The following SEMA3D variants were observed in gnomAD, a reference collection of about 807,000 sequenced individuals.
SEMA3D encodes the protein semaphorin 3D, also known as semaphorin-3D.
Under a neutral mutation model 100.1 loss-of-function variants are expected in SEMA3D, and 84 were observed. The ratio of observed to expected loss-of-function variants is 0.84; its 90% confidence interval spans 0.70 to 1.01. The LOEUF (loss-of-function observed/expected upper bound fraction) is 1.01, where lower values mean the gene tolerates loss of function less well. Ranked by LOEUF, SEMA3D falls within the 50% of genes least tolerant of loss-of-function variation. The pLI, the probability that SEMA3D is intolerant of heterozygous loss-of-function variation, is 0.00. For synonymous variants in SEMA3D, 312 were observed against 320.7 expected, an observed-to-expected ratio of 0.97 and a Z score of 0.29; for missense variants, 875 against 934.1, an observed-to-expected ratio of 0.94 and a Z score of 0.82.
rs749668447 is a variant in SEMA3D at position 84,999,580 on chromosome 7, C to T, written c.2194G>A (p.Glu732Lys). The part of the protein sequence containing the change: ...SPNFSLDQYC[E>K]QMWHREKRRQ... ...CGCTTCTCCCTGTGCCACATCTGTT[C>T]GCAGTACTGGTCGAGGCTGAAGTTT... The change falls in exon 19 of 19, where the codon GAA (glutamate) becomes AAA (lysine). Residue 732 changes from glutamate (E) to lysine (K), a missense_variant. Glu to Lys is a moderately conservative substitution (Grantham distance 56). Coordinates refer to ENST00000284136, the MANE Select transcript of SEMA3D (RefSeq NM_001384900.1). The T allele has an allele frequency of 1.7e-5, 28 of 1,614,106 alleles. No individual in the cohort carries two copies. Among genetic ancestry groups the T allele is most frequent in the African/African-American group, 4.0e-5 (3 of 75,022 alleles).
chr7:85,115,316 A>T (rs185942209), intron 3 of SEMA3D, among the ~76,000 whole-genome samples: 1 of 152,284 alleles, frequency 6.6e-6, no homozygotes, highest in East Asian at 1.9e-4. Flanking sequence ...CGGTATCCTC[A>T]TACATAAGAA....
At chr7:85,108,855 T>G (rs567579749) in intron 3 of SEMA3D, among the ~76,000 whole-genome samples, 2 of 152,110 alleles carry the variant, frequency 1.3e-5, no homozygotes, top group South Asian at 4.1e-4. Flanking sequence ...CTGTTTAGTT[T>G]AAACCAATGA....
At chr7:85,160,999 G>A (rs2116517140) in intron 1 of SEMA3D, among the ~76,000 whole-genome samples, 1 of 152,280 alleles carries the variant, frequency 6.6e-6, no homozygotes, top group African/African-American at 2.4e-5. Context: ...ACGTATGGAG[G>A]AGGGGAATGG....
chr7:85,068,035 C>T (rs1791673630), intron 7 of SEMA3D, among the ~76,000 whole-genome samples, 156 bp downstream of exon 7: 1 of 152,096 alleles, frequency 6.6e-6, no homozygotes. Flanking sequence ...GAAGGATGCT[C>T]AGTACAGACA....
rs1028461798 is a variant in SEMA3D, at chr7:84,997,241, C to G, written c.*2199G>C. 7.2e-5 allele frequency: 11 copies of G among 151,958 alleles called. No individual in the cohort carries two copies. Among genetic ancestry groups the G allele is most frequent in the Non-Finnish European group, 8.8e-5 (6 of 67,918 alleles). 9.4% of individuals were successfully genotyped at this position (151,958 alleles called of 1,614,324 possible). ...TCATAAGTCAATCCTAACACTTGAGCTTCATGTAAATTTTCCAAAGTCATT... is the reference window on the plus strand; with the variant it reads ...TCATAAGTCAATCCTAACACTTGAGGTTCATGTAAATTTTCCAAAGTCATT... On this transcript the variant is annotated 3_prime_UTR_variant, in exon 19 of 19. Transcript: ENST00000284136.
At chr7:85,041,205 C>T (rs531407281) in intron 10 of SEMA3D, 1 of 152,270 alleles carries the variant, frequency 6.6e-6, no homozygotes, top group East Asian at 1.9e-4. Flanking sequence ...TTACAGGTGC[C>T]CACCACCAGC....
intron 1 of SEMA3D, among the ~76,000 whole-genome samples, chr7:85,180,955 T>C (rs1042133618): frequency 6.6e-6 from 1 of 152,222 alleles, no homozygotes; most frequent in Admixed American, 6.5e-5. Flanking sequence ...GATCAGGTAT[T>C]TTGTAGAATG....
intron 2 of SEMA3D, among the ~76,000 whole-genome samples, chr7:85,128,041 T>TA (rs1385945382): frequency 5.3e-5 from 8 of 151,946 alleles, no homozygotes; most frequent in Admixed American, 2.6e-4. Context: ...CTTTTTTTTT[T>TA]ATGAAGAGAC....
chr7:85,109,100 C>G (rs1789015254), intron 3 of SEMA3D, among the ~76,000 whole-genome samples: 1 of 151,788 alleles, frequency 6.6e-6, no homozygotes, highest in African/African-American at 2.4e-5. Flanking sequence ...TAATTAAAAA[C>G]ATGTATGGTC....
chr7:85,031,327 AAAGC>A (rs1790542887), intron 12 of SEMA3D, among the ~76,000 whole-genome samples: 2 of 152,068 alleles, frequency 1.3e-5, no homozygotes, highest in Non-Finnish European at 2.9e-5. Context: ...AACCTACGTT[AAAGC>A]TTTAACTTAA....
chr7:85,181,101 A>G (rs1254254831), intron 1 of SEMA3D, among the ~76,000 whole-genome samples: 1 of 152,194 alleles, frequency 6.6e-6, no homozygotes, highest in Non-Finnish European at 1.5e-5. Context: ...ATGATTTACA[A>G]CCCACTGTTG....
At chr7:85,028,127 G>A in intron 12 of SEMA3D, 1 of 640,214 alleles carries the variant, frequency 1.6e-6, no homozygotes, top group Admixed American at 1.9e-5. Flanking sequence ...ATGCTGGCAG[G>A]CCCAAGGTCC....
At chr7:85,125,783 CGTGTGT>C (rs79570607) in intron 2 of SEMA3D, among the ~76,000 whole-genome samples, 4 of 113,800 alleles carry the variant, frequency 3.5e-5, no homozygotes, top group South Asian at 5.1e-4. Flanking sequence ...TTGCTGTCTT[CGTGTGT>C]GTGTGTGTGT....
chr7:85,206,841 G>A, the SEMA3D span, among the ~76,000 whole-genome samples: 16 of 152,124 alleles, frequency 1.1e-4, no homozygotes, highest in Admixed American at 5.2e-4. Context: ...AAAACATGCT[G>A]TTTTTCAAAT....
intron 1 of SEMA3D, among the ~76,000 whole-genome samples, chr7:85,183,900 A>G (rs1309012998): frequency 6.6e-6 from 1 of 152,250 alleles, no homozygotes; most frequent in East Asian, 1.9e-4. Context: ...CATGAGGACA[A>G]TAAGTAGACT....
At chr7:85,235,863 G>A in the SEMA3D span, among the ~76,000 whole-genome samples, 71 of 152,292 alleles carry the variant, frequency 4.7e-4, 1 homozygote, top group South Asian at 0.015. Context: ...GGTTGGAGTT[G>A]AAGGGAATAG....
chr7:85,144,157 C>T (rs1790134329), intron 2 of SEMA3D, among the ~76,000 whole-genome samples: 2 of 151,998 alleles, frequency 1.3e-5, no homozygotes, highest in Admixed American at 1.3e-4. Flanking sequence ...CATTTTCATG[C>T]TAAGTCTTCA....
intron 4 of SEMA3D, among the ~76,000 whole-genome samples, chr7:85,090,523 A>G (rs1361180711): frequency 7.2e-5 from 11 of 152,172 alleles, no homozygotes. Context: ...CTATTTTCTT[A>G]ATTTCAAGTA....
the SEMA3D span, among the ~76,000 whole-genome samples, chr7:85,197,544 G>A: frequency 1.4e-5 from 2 of 145,576 alleles, no homozygotes; most frequent in African/African-American, 5.1e-5. Flanking sequence ...TTTGATTGAT[G>A]TCTCATGTGT....
Sources: gnomAD v4.1 joint callset for allele counts (sites outside exome capture counted in the v4.1 genomes callset) on GRCh38, gnomAD v4.1.1 for gene constraint, MANE v1.5 for transcripts, NCBI Gene and HGNC (gene_info 2026-07-23, HGNC 2026-07-21) for gene names.